Variants in TMEM232 observed in about 807,000 individuals in gnomAD.
TMEM232 encodes the protein transmembrane protein 232.
Under a neutral mutation model 78.8 loss-of-function variants are expected in TMEM232, and 80 were observed. That is an observed-to-expected ratio of 1.01 (90% CI 0.85 to 1.22). TMEM232 has a LOEUF of 1.22. Among genes scored for constraint, TMEM232 ranks in the 50% most tolerant of loss-of-function variants. The pLI, the probability that TMEM232 is intolerant of heterozygous loss-of-function variation, is 0.00. For synonymous variants in TMEM232, 297 were observed against 254.3 expected (o/e 1.17, Z -1.60); for missense variants, 881 against 742.2 (o/e 1.19, Z -2.17).
intron 1 of TMEM232, among the ~76,000 whole-genome samples, chr5:110,697,048 T>C (rs1164098402): frequency 6.6e-6 from 1 of 152,126 alleles, no homozygotes; most frequent in Non-Finnish European, 1.5e-5. Flanking sequence ...CTTCAAACTA[T>C]ACTACAAGCC....
intron 12 of TMEM232, among the ~76,000 whole-genome samples, chr5:110,462,721 C>T (rs902788525): frequency 6.6e-6 from 1 of 152,134 alleles, no homozygotes; most frequent in Non-Finnish European, 1.5e-5. Flanking sequence ...GTCAATACTC[C>T]TGAATAAACT....
intron 2 of TMEM232, among the ~76,000 whole-genome samples, chr5:110,663,171 A>T (rs1790040687): frequency 6.6e-6 from 1 of 152,108 alleles, no homozygotes; most frequent in Non-Finnish European, 1.5e-5. Context: ...ATTTGCAGTA[A>T]GTTAATAAAA....
intron 2 of TMEM232, among the ~76,000 whole-genome samples, chr5:110,661,723 A>G (rs549667719): frequency 1.3e-5 from 2 of 152,312 alleles, no homozygotes; most frequent in South Asian, 4.1e-4. Context: ...AGGAAACTCC[A>G]AACTGTTTTC....
chr5:110,669,800 A>C (rs756983770), intron 1 of TMEM232, among the ~76,000 whole-genome samples: 2 of 152,220 alleles, frequency 1.3e-5, no homozygotes, highest in Non-Finnish European at 2.9e-5. Context: ...AGTGGGCTTC[A>C]TCACTGGGAT....
chr5:110,508,982 A>ATATGTG lies in TMEM232; in HGVS notation c.1703+19605_1703+19606insCACATA, dbSNP rs1160074346. ...TGTATATATGTATATATATAAAATTATATATGTGTATATATGTATATATAT... is the reference window on the plus strand; with the variant it reads ...TGTATATATGTATATATATAAAATTATATGTGTATATGTGTATATATGTATATATAT... On this transcript the variant is annotated intron_variant, in intron 12 of 13. Coordinates refer to ENST00000455884, the MANE Select transcript of TMEM232 (RefSeq NM_001039763.4). Among the ~76,000 whole-genome samples, 11 of 125,370 alleles carry ATATGTG rather than the reference A, an allele frequency of 8.8e-5. 1 individual carries two copies. Among genetic ancestry groups the ATATGTG allele is most frequent in the Admixed American group, 4.7e-4 (6 of 12,714 alleles). The allele number at this position is 125,370 out of a possible 152,430, so 82.2% of individuals were successfully genotyped here.
chr5:110,472,587 A>T (rs911618289), intron 12 of TMEM232, among the ~76,000 whole-genome samples: 1 of 151,902 alleles, frequency 6.6e-6, no homozygotes, highest in Non-Finnish European at 1.5e-5. Flanking sequence ...AGACTCTGTA[A>T]ATCAAAGCAC....
intron 12 of TMEM232, among the ~76,000 whole-genome samples, chr5:110,522,190 T>G (rs1344828287): frequency 6.6e-6 from 1 of 152,194 alleles, no homozygotes; most frequent in Non-Finnish European, 1.5e-5. Flanking sequence ...CTATTGTAAA[T>G]GTAACTGTTT....
intron 2 of TMEM232, among the ~76,000 whole-genome samples, chr5:110,652,294 G>GCACGCGCA (rs1554069162): frequency 1.4e-5 from 2 of 145,360 alleles, no homozygotes; most frequent in African/African-American, 5.2e-5. Flanking sequence ...GCACGCGCGC[G>GCACGCGCA]CACACACACA....
intron 1 of TMEM232, among the ~76,000 whole-genome samples, chr5:110,707,802 C>G (rs1414579149): frequency 6.6e-6 from 1 of 152,124 alleles, no homozygotes; most frequent in African/African-American, 2.4e-5. Context: ...GGGACTTTGT[C>G]TTACATCTTG....
intron 12 of TMEM232, among the ~76,000 whole-genome samples, chr5:110,495,362 G>A (rs1765533671): frequency 6.6e-6 from 1 of 151,828 alleles, no homozygotes; most frequent in East Asian, 1.9e-4. Context: ...ATTGGACTGG[G>A]GAAGGATCTC....
intron 1 of TMEM232, among the ~76,000 whole-genome samples, chr5:110,715,291 A>T (rs1796900718): frequency 6.6e-6 from 1 of 152,188 alleles, no homozygotes; most frequent in South Asian, 2.1e-4. Context: ...TATGAAAAAA[A>T]ACCATAGGCT....
At chr5:110,519,824 A>G (rs1769232974) in intron 12 of TMEM232, among the ~76,000 whole-genome samples, 1 of 150,772 alleles carries the variant, frequency 6.6e-6, no homozygotes, top group Non-Finnish European at 1.5e-5. Context: ...TTGCAACAAC[A>G]TGGAGGGAAC....
At chr5:110,734,205 T>C (rs997469553) in intron 2 of TMEM232, among the ~76,000 whole-genome samples, 17 of 152,248 alleles carry the variant, frequency 1.1e-4, no homozygotes, top group African/African-American at 4.1e-4. Context: ...TGGCTAGATT[T>C]TGGTGATGTT....
intron 3 of TMEM232, among the ~76,000 whole-genome samples, chr5:110,393,705 C>T (rs966256326): frequency 8.6e-5 from 13 of 152,046 alleles, no homozygotes; most frequent in Middle Eastern, 3.4e-3. Context: ...GACTGTAATC[C>T]TAGCATTTTG....
chr5:110,735,450 A>C (rs750713181), intron 1 of TMEM232, among the ~76,000 whole-genome samples: 3 of 152,212 alleles, frequency 2.0e-5, no homozygotes, highest in Non-Finnish European at 4.4e-5. Flanking sequence ...AAACTATATT[A>C]TTCTGTTAAT....
At chr5:110,638,397 A>T (rs754048560) in intron 4 of TMEM232, 42 bp from the exon 5 acceptor site, 2 of 1,486,256 alleles carry the variant, frequency 1.3e-6, no homozygotes, top group South Asian at 1.3e-5. Flanking sequence ...TTTGAAAATC[A>T]TCCTGTTTTT....
chr5:110,657,388 T>C (rs1359432139), intron 2 of TMEM232, among the ~76,000 whole-genome samples: 1 of 149,772 alleles, frequency 6.7e-6, no homozygotes, highest in East Asian at 1.9e-4. Flanking sequence ...TATCTGAGTG[T>C]GTGTGTGTGT....
chr5:110,631,987 G>A (rs573671366), intron 5 of TMEM232, among the ~76,000 whole-genome samples: 2 of 151,744 alleles, frequency 1.3e-5, no homozygotes, highest in South Asian at 4.2e-4. Flanking sequence ...TTGTATGCTG[G>A]GGTACAAGAA....
At chr5:110,406,319 TATA>T (rs1755793033) in intron 2 of TMEM232, among the ~76,000 whole-genome samples, 1 of 151,422 alleles carries the variant, frequency 6.6e-6, no homozygotes, top group African/African-American at 2.4e-5. Flanking sequence ...TGTGTCTATA[TATA>T]ATATTTTCTG....
Sources: allele counts gnomAD v4.1 joint callset (sites outside exome capture counted in the v4.1 genomes callset), GRCh38; gene constraint gnomAD v4.1.1; transcripts MANE v1.5; gene names NCBI Gene and HGNC (gene_info 2026-07-23, HGNC 2026-07-21).